The following SYT16 variants were observed in gnomAD, a reference collection of about 807,000 sequenced individuals.
SYT16 encodes synaptotagmin 16, also known as synaptotagmin-16.
SYT16 carries 42 observed loss-of-function variants against 61.4 expected under a neutral mutation model. The ratio of observed to expected loss-of-function variants is 0.68; its 90% CI spans 0.53 to 0.89. The LOEUF is 0.89. Ranked by LOEUF, SYT16 falls within the 40% of genes least tolerant of loss-of-function variation. The probability of loss-of-function intolerance (pLI) is 0.00; values close to 1 mark genes in which losing one functional copy is unlikely to be tolerated. For synonymous variants in SYT16, 314 were observed against 302.3 expected (o/e 1.04, Z -0.40); for missense variants, 804 against 807.3 (o/e 1.00, Z 0.05).
At chr14:62,077,212 A>T (rs1175916981) in intron 5 of SYT16, among the ~76,000 whole-genome samples, 1 of 152,228 alleles carries the variant, frequency 6.6e-6, no homozygotes, top group Non-Finnish European at 1.5e-5. Flanking sequence ...TATCTTACTA[A>T]AACAGAAAGG....
chr14:61,996,129 CT>C lies in SYT16; in HGVS notation c.112del (p.Ser38ArgfsTer5), dbSNP rs2052758096. 6.2e-7 allele frequency: 1 copy of C among 1,613,212 alleles called. No homozygotes were observed. The highest frequency in any genetic ancestry group is 1.1e-5 in the South Asian group (1 of 91,060). ...CAGCAAGCAGGAGATATGTTATCTG[CT>C]TCGCTGGTTAACATAAGCAAACAAG... ...ALQQAGDMLSASLVNISKQDS... is the reference protein window; with the variant it reads ...ALQQAGDMLSXSLVNISKQDS... On this transcript the variant is annotated frameshift_variant, in exon 3 of 8. Coordinates refer to ENST00000683842, the MANE Select transcript of SYT16 (RefSeq NM_001367656.1). LOFTEE classifies it high-confidence loss of function.
At chr14:61,821,794 G>A (rs1373171836) in intron 1 of SYT16, among the ~76,000 whole-genome samples, 3 of 152,186 alleles carry the variant, frequency 2.0e-5, no homozygotes, top group Non-Finnish European at 4.4e-5. Flanking sequence ...ACTAGGAGAT[G>A]AGGATAATCA....
In SYT16 at chr14:62,108,558, C is replaced by G. The variant is rs1410595292; in HGVS notation, c.*7851C>G. 6.6e-6 allele frequency: 1 copy of G among 152,142 alleles called. No homozygotes were observed. The highest frequency in any genetic ancestry group is 1.9e-4 in the East Asian group (1 of 5,196). The allele number at this position is 152,142 out of a possible 1,614,324, so 9.4% of individuals were successfully genotyped here. On this transcript the variant is annotated 3_prime_UTR_variant, in exon 8 of 8. Coordinates refer to ENST00000683842, the MANE Select transcript of SYT16 (RefSeq NM_001367656.1). ...TAGCCAATGCCTTGACCAAAGCTTA[C>G]TAATTTTGCCACATTTCCTTGTGGG...
At chr14:61,935,756 GGTTA>G (rs1312214761) in intron 1 of SYT16, among the ~76,000 whole-genome samples, 1 of 152,150 alleles carries the variant, frequency 6.6e-6, no homozygotes, top group Non-Finnish European at 1.5e-5. Flanking sequence ...TAGTAATTAT[GGTTA>G]GTTTGTTCTT....
At chr14:61,909,110 A>G (rs1248505478) in intron 1 of SYT16, among the ~76,000 whole-genome samples, 3 of 152,156 alleles carry the variant, frequency 2.0e-5, no homozygotes, top group Non-Finnish European at 4.4e-5. Flanking sequence ...CCATCAATTC[A>G]TTTTAAGCAC....
Position 61,833,295 on chromosome 14 carries a change from CT to C in SYT16, c.-325+20499del, listed in dbSNP as rs556738010. 4.6e-3 allele frequency among the ~76,000 whole-genome samples: 634 copies of C among 138,714 alleles called. 2 individuals are homozygous for C. Among genetic ancestry groups the C allele is most frequent in the Non-Finnish European group, 7.7e-3 (491 of 64,002 alleles). The allele number at this position is 138,714 out of a possible 152,430, so 91.0% of individuals were successfully genotyped here. On this transcript the variant is annotated intron_variant, in intron 1 of 7. Coordinates refer to ENST00000683842, the MANE Select transcript of SYT16 (RefSeq NM_001367656.1). ...CTCATGGGTGGCTTTTTTTTCTTTT[CT>C]TTTTTTTTTTTTTGAGACGGAGTCT...
intron 1 of SYT16, among the ~76,000 whole-genome samples, chr14:61,837,593 G>T (rs2046172005): frequency 1.3e-5 from 2 of 152,154 alleles, no homozygotes; most frequent in Non-Finnish European, 2.9e-5. Context: ...GCCTCACAAA[G>T]GCTCTTGGAG....
intron 7 of SYT16, among the ~76,000 whole-genome samples, chr14:62,087,436 C>T (rs755387042): frequency 2.6e-5 from 4 of 152,182 alleles, no homozygotes; most frequent in Admixed American, 6.5e-5. Context: ...TTGAGGCTCT[C>T]GGCTCAGGTG....
chr14:61,951,755 A>G lies in SYT16; in HGVS notation c.-324-18377A>G, dbSNP rs191823300. Among the ~76,000 whole-genome samples, 7 of 152,148 alleles carry G rather than the reference A, an allele frequency of 4.6e-5. No homozygotes were observed. In the East Asian group the frequency reaches 5.8e-4, roughly 13 times the overall value. ...TCAACATGACATGTCTTTATTGGGC[A>G]TATGTTCCTAATTATTTCTATAATT... On this transcript the variant is annotated intron_variant, in intron 1 of 7. Transcript: ENST00000683842.
At chr14:61,846,470 A>C (rs1467741015) in intron 1 of SYT16, among the ~76,000 whole-genome samples, 1 of 152,280 alleles carries the variant, frequency 6.6e-6, no homozygotes, top group East Asian at 1.9e-4. Flanking sequence ...TGATATAAGT[A>C]TAGTGATTCC....
chr14:62,069,311 G>T (rs563392602), intron 3 of SYT16, among the ~76,000 whole-genome samples: 26 of 152,322 alleles, frequency 1.7e-4, no homozygotes, highest in African/African-American at 6.0e-4. Context: ...TAACAAATCA[G>T]CAGGGCTGCC....
chr14:61,824,711 T>C (rs1232892074), intron 1 of SYT16, among the ~76,000 whole-genome samples: 1 of 152,176 alleles, frequency 6.6e-6, no homozygotes, highest in Admixed American at 6.6e-5. Flanking sequence ...AGGCTGCCAT[T>C]TTTTTCCTGC....
At chr14:61,927,316 C>T (rs111264958) in intron 1 of SYT16, among the ~76,000 whole-genome samples, 3,019 of 152,296 alleles carry the variant, frequency 0.02, 52 homozygotes, top group Non-Finnish European at 0.031. Context: ...GGAGACTAGG[C>T]ATTTTGTCTT....
intron 3 of SYT16, among the ~76,000 whole-genome samples, chr14:62,059,227 A>G (rs2055707037): frequency 1.3e-5 from 2 of 149,458 alleles, no homozygotes; most frequent in African/African-American, 4.8e-5. Context: ...CTTAAAAGTT[A>G]AAAAAAGAAA....
At chr14:62,072,201 C>A (rs528876896) in intron 4 of SYT16, among the ~76,000 whole-genome samples, 1 of 152,248 alleles carries the variant, frequency 6.6e-6, no homozygotes, top group African/African-American at 2.4e-5. Context: ...ATATTTCCTA[C>A]AAGCTAGATG....
chr14:62,005,735 A>G (rs1357933228), intron 3 of SYT16, among the ~76,000 whole-genome samples: 1 of 152,202 alleles, frequency 6.6e-6, no homozygotes, highest in Non-Finnish European at 1.5e-5. Context: ...AACCAATCAA[A>G]TATGTATTGA....
intron 1 of SYT16, among the ~76,000 whole-genome samples, chr14:61,907,869 T>C (rs1480238297): frequency 6.6e-6 from 1 of 152,216 alleles, no homozygotes; most frequent in African/African-American, 2.4e-5. Flanking sequence ...CTCTTAGAAA[T>C]ATCACTTGAA....
At chr14:61,947,733 C>G (rs1283608880) in intron 1 of SYT16, among the ~76,000 whole-genome samples, 2 of 152,152 alleles carry the variant, frequency 1.3e-5, no homozygotes, top group African/African-American at 4.8e-5. Flanking sequence ...ACTACAGCCT[C>G]GTGGGGATAA....
chr14:62,024,366 G>T (rs2054022081), intron 3 of SYT16, among the ~76,000 whole-genome samples: 1 of 151,976 alleles, frequency 6.6e-6, no homozygotes, highest in Non-Finnish European at 1.5e-5. Context: ...ATTGCGAGGT[G>T]GGACAAAGGA....
Sources: allele counts gnomAD v4.1 joint callset (sites outside exome capture counted in the v4.1 genomes callset), GRCh38; gene constraint gnomAD v4.1.1; transcripts MANE v1.5; gene names NCBI Gene and HGNC (gene_info 2026-07-23, HGNC 2026-07-21).